Variants in SPOCK1 observed in about 807,000 individuals in gnomAD.
SPOCK1 encodes the protein SPARC (osteonectin), cwcv and kazal like domains proteoglycan 1.
In SPOCK1, 23 loss-of-function variants were observed where a neutral mutation model predicts 55.3. The observed-to-expected ratio is 0.42, with a 90% confidence interval of 0.30 to 0.59. SPOCK1 has a LOEUF of 0.59. SPOCK1 is among the 20% of genes least tolerant of loss of function. SPOCK1 has a pLI of 0.22. For missense variants in SPOCK1, 499 were observed against 552.5 expected, an observed-to-expected ratio of 0.90 and a Z score of 0.97; for synonymous variants, 226 against 221.0, an observed-to-expected ratio of 1.02 and a Z score of -0.20.
intron 5 of SPOCK1, among the ~76,000 whole-genome samples, chr5:137,094,240 G>A (rs765122785): frequency 2.0e-5 from 3 of 152,158 alleles, no homozygotes; most frequent in Non-Finnish European, 4.4e-5. Context: ...TGGACACATT[G>A]AATGTGAGAT....
At chr5:137,340,635 CT>C (rs1219270465) in intron 2 of SPOCK1, among the ~76,000 whole-genome samples, 1 of 152,180 alleles carries the variant, frequency 6.6e-6, no homozygotes, top group African/African-American at 2.4e-5. Context: ...AATCCCAGCA[CT>C]TTGGGAGGCC....
chr5:136,979,183 T>G, intron 10 of SPOCK1, 149 bp downstream of exon 10: 1 of 1,161,922 alleles, frequency 8.6e-7, no homozygotes, highest in African/African-American at 1.5e-5. Context: ...ACACGGGAGC[T>G]CATGTGATTT....
At chr5:137,118,568 T>C (rs1178405330) in intron 4 of SPOCK1, among the ~76,000 whole-genome samples, 1 of 152,196 alleles carries the variant, frequency 6.6e-6, no homozygotes, top group Non-Finnish European at 1.5e-5. Flanking sequence ...CATGGCATAA[T>C]GGGGCCATAG....
rs779883526 is a variant in SPOCK1 at position 136,992,495 on chromosome 5, G to A, written c.695C>T (p.Thr232Ile). 1.2e-6 allele frequency: 2 copies of A among 1,612,878 alleles called. No individual in the cohort carries two copies. Among genetic ancestry groups the A allele is most frequent in the African/African-American group, 1.3e-5 (1 of 74,996 alleles). ...TAAAATGGTCTTACTGCCTTGGGCT[G>A]TGTTGGAGCTGGTGGGCTTGATGAC... is the stretch of plus-strand genomic sequence containing the variant. ...NRVIKPTSSN[T>I]AQGRFDTSIL... Residue 232 changes from threonine to isoleucine, a missense_variant, in exon 7 of 11, where the codon ACA becomes ATA. Thr to Ile is a moderately conservative substitution (Grantham distance 89, BLOSUM62 -1). Coordinates refer to ENST00000394945, the MANE Select transcript of SPOCK1 (RefSeq NM_004598.4).
intron 3 of SPOCK1, among the ~76,000 whole-genome samples, chr5:137,232,291 G>T (rs1756078995): frequency 1.3e-5 from 2 of 152,038 alleles, no homozygotes; most frequent in African/African-American, 4.8e-5. Flanking sequence ...GATTTTTAAT[G>T]TTTTTTTCCT....
intron 3 of SPOCK1, among the ~76,000 whole-genome samples, chr5:137,190,190 G>A (rs1423843686): frequency 6.6e-6 from 1 of 152,198 alleles, no homozygotes; most frequent in Non-Finnish European, 1.5e-5. Context: ...CAGAGTTTGA[G>A]AGGATTGACT....
intron 2 of SPOCK1, among the ~76,000 whole-genome samples, chr5:137,391,633 C>T (rs1336752620): frequency 1.3e-5 from 2 of 152,218 alleles, no homozygotes; most frequent in African/African-American, 2.4e-5. Context: ...CCGATTCACT[C>T]GGTGCCTCCC....
intron 2 of SPOCK1, among the ~76,000 whole-genome samples, chr5:137,441,897 G>C (rs1753022099): frequency 6.6e-6 from 1 of 152,202 alleles, no homozygotes; most frequent in Non-Finnish European, 1.5e-5. Context: ...GGCAGGTGCA[G>C]AACCCCCAAC....
At chr5:137,419,541 A>C (rs1031241402) in intron 2 of SPOCK1, among the ~76,000 whole-genome samples, 1 of 152,026 alleles carries the variant, frequency 6.6e-6, no homozygotes, top group Non-Finnish European at 1.5e-5. Context: ...GGATTCCTAG[A>C]TATTTTATTC....
intron 2 of SPOCK1, among the ~76,000 whole-genome samples, chr5:137,393,944 GT>G (rs1280629954): frequency 2.0e-5 from 3 of 150,872 alleles, no homozygotes; most frequent in East Asian, 1.9e-4. Flanking sequence ...ATGTTTTAGG[GT>G]TTTTTTTTCA....
intron 3 of SPOCK1, among the ~76,000 whole-genome samples, chr5:137,169,593 C>T (rs1433206779): frequency 6.6e-6 from 1 of 152,174 alleles, no homozygotes; most frequent in Non-Finnish European, 1.5e-5. Context: ...GGAGTTAAGA[C>T]TACAAGTTAA....
intron 5 of SPOCK1, among the ~76,000 whole-genome samples, chr5:137,100,218 T>A (rs112318767): frequency 1.4e-4 from 21 of 152,294 alleles, no homozygotes; most frequent in African/African-American, 4.8e-4. Context: ...GCCTTACAGT[T>A]AAAATCCCAG....
At chr5:137,395,928 A>G (rs1365688276) in intron 2 of SPOCK1, among the ~76,000 whole-genome samples, 5 of 152,196 alleles carry the variant, frequency 3.3e-5, no homozygotes, top group Non-Finnish European at 7.3e-5. Context: ...AATCCCCCCC[A>G]ATACAAATAG....
chr5:137,111,326 T>C (rs1177414316), intron 5 of SPOCK1, among the ~76,000 whole-genome samples: 3 of 152,070 alleles, frequency 2.0e-5, no homozygotes, highest in African/African-American at 4.8e-5. Flanking sequence ...AGCAACTCTT[T>C]AGTCATGGGC....
chr5:137,095,261 G>C (rs1412383251), intron 5 of SPOCK1, among the ~76,000 whole-genome samples: 3 of 152,144 alleles, frequency 2.0e-5, no homozygotes, highest in African/African-American at 7.2e-5. Context: ...GTGACACAGG[G>C]ACATGAAGTG....
At position 137,112,549 on chromosome 5, in the gene SPOCK1, C is replaced by G; in HGVS notation, c.360G>C (p.Gly120=). The change falls in exon 5 of 11, where the codon GGG becomes GGC. Residue 120 remains glycine (G), a synonymous_variant. Coordinates refer to ENST00000394945, the MANE Select transcript of SPOCK1 (RefSeq NM_004598.4). ...RKHLLPRQKK[G]NVAQKHWVGP... is the part of the protein sequence containing the mutation. The stretch of plus-strand genomic sequence containing the variant: ...CAACCCAGTGTTTCTGGGCCACGTT[C>G]CCCTTCTTTTGCCTAAAGATGAGAA... The G allele has an allele frequency of 6.2e-7, 1 of 1,613,460 alleles. No individual in the cohort carries two copies.
At chr5:137,008,532 T>C (rs1337566823) in intron 6 of SPOCK1, among the ~76,000 whole-genome samples, 1 of 152,210 alleles carries the variant, frequency 6.6e-6, no homozygotes, top group Non-Finnish European at 1.5e-5. Flanking sequence ...AAACCAGTTC[T>C]ATACAGTTAA....
intron 3 of SPOCK1, among the ~76,000 whole-genome samples, chr5:137,202,227 G>T (rs896355328): frequency 1.3e-5 from 2 of 152,216 alleles, no homozygotes; most frequent in Admixed American, 1.3e-4. Flanking sequence ...CACAGGAAAG[G>T]CTATGAATAG....
At chr5:137,332,171 C>T (rs573632703) in intron 2 of SPOCK1, among the ~76,000 whole-genome samples, 3 of 152,022 alleles carry the variant, frequency 2.0e-5, no homozygotes, top group Admixed American at 1.3e-4. Flanking sequence ...GCTTTTCATG[C>T]TCTTTTCCTC....
Sources: allele counts gnomAD v4.1 joint callset (sites outside exome capture counted in the v4.1 genomes callset), GRCh38; gene constraint gnomAD v4.1.1; transcripts MANE v1.5; gene names NCBI Gene and HGNC (gene_info 2026-07-23, HGNC 2026-07-21).